ABCC11: variants seen among roughly 807,000 people sequenced by gnomAD.
The protein encoded by ABCC11 is ATP binding cassette subfamily C member 11, also known as ATP-binding cassette sub-family C member 11.
Under a neutral mutation model 149.3 loss-of-function variants are expected in ABCC11, and 135 were observed. That is an observed-to-expected ratio of 0.90 (90% CI 0.79 to 1.04). The LOEUF (loss-of-function observed/expected upper bound fraction) is 1.04. Ranked by LOEUF, ABCC11 falls within the 50% of genes least tolerant of loss-of-function variation. The probability of loss-of-function intolerance (pLI) is 0.00; values close to 1 mark genes in which losing one functional copy is unlikely to be tolerated. For synonymous variants in ABCC11, 665 were observed against 671.4 expected (o/e 0.99, Z 0.15); for missense variants, 1,680 against 1,722.1 (o/e 0.98, Z 0.43).
At chr16:48,217,375 C>T (rs1352333189) in intron 6 of ABCC11, among the ~76,000 whole-genome samples, 2 of 152,076 alleles carry the variant, frequency 1.3e-5, no homozygotes, top group African/African-American at 2.4e-5. Context: ...GTGGGTGGAT[C>T]ACTTGGGCCC....
intron 4 of ABCC11, 85 bp downstream of exon 4, chr16:48,227,721 C>T: frequency 6.3e-7 from 1 of 1,584,074 alleles, no homozygotes; most frequent in Non-Finnish European, 8.7e-7. Context: ...TGGCCCCTCC[C>T]TACCACCCTT....
chr16:48,167,777 G>C, intron 28 of ABCC11, 117 bp from the exon 29 acceptor site: 5 of 1,179,680 alleles, frequency 4.2e-6, no homozygotes, highest in Non-Finnish European at 6.0e-6. Flanking sequence ...CATTTCTTTA[G>C]CTGGGAAATG....
Position 48,197,979 on chromosome 16 carries a change from C to G in ABCC11, c.2306G>C (p.Gly769Ala). 6.2e-7 allele frequency: 1 copy of G among 1,614,080 alleles called. No homozygotes were observed. Among genetic ancestry groups the G allele is most frequent in the Non-Finnish European group, 8.5e-7 (1 of 1,180,008 alleles). The change falls in exon 17 of 30, where the codon GGA becomes GCA. Residue 769 changes from glycine (G) to alanine (A), a missense_variant. Transcript: ENST00000356608. The part of the protein sequence containing the change: ...LATSLEESLN[G>A]NAVPEHQLTQ... ...ATCTCCCACACCATTACCAGCATTT[C>G]CGTTGAGAGACTCTTCCAGGGAGGT...
intron 17 of ABCC11, among the ~76,000 whole-genome samples, chr16:48,197,756 C>G (rs1441501896): frequency 2.0e-5 from 3 of 152,212 alleles, no homozygotes; most frequent in Non-Finnish European, 2.9e-5. Flanking sequence ...GTGCCCCCCA[C>G]AACACTCACT....
intron 20 of ABCC11, among the ~76,000 whole-genome samples, chr16:48,189,546 G>A (rs1427852110): frequency 2.6e-5 from 4 of 152,154 alleles, no homozygotes; most frequent in Non-Finnish European, 5.9e-5. Flanking sequence ...GAAAGGACTG[G>A]AAAAAGGAAA....
chr16:48,216,366 C>T (rs1455440103), intron 6 of ABCC11, 79 bp from the exon 7 acceptor site: 1 of 1,402,184 alleles, frequency 7.1e-7, no homozygotes, highest in Non-Finnish European at 9.9e-7. Context: ...CTCCCCATGC[C>T]CTCTCCTAGC....
chr16:48,178,834 C>T, intron 23 of ABCC11, 148 bp from the exon 24 acceptor site: 1 of 686,966 alleles, frequency 1.5e-6, no homozygotes, highest in African/African-American at 1.8e-5. Context: ...GCAGAGGCCC[C>T]TGGTGCCTCC....
intron 20 of ABCC11, among the ~76,000 whole-genome samples, chr16:48,189,293 G>A (rs1310332168): frequency 2.0e-5 from 3 of 152,192 alleles, no homozygotes; most frequent in African/African-American, 7.2e-5. Context: ...TGTGGGTGAG[G>A]AAGATGCATC....
intron 23 of ABCC11, among the ~76,000 whole-genome samples, chr16:48,179,054 C>A (rs527256872): frequency 6.6e-6 from 1 of 152,302 alleles, no homozygotes; most frequent in South Asian, 2.1e-4. Context: ...TGATGGGGAA[C>A]AAGAGCTAGC....
chr16:48,210,779 T>A lies in ABCC11; in HGVS notation c.1608+169A>T, dbSNP rs1462252646. The A allele has an allele frequency of 4.1e-6, 4 of 983,550 alleles. No individual in the cohort carries two copies. In the East Asian group the frequency reaches 1.1e-4, roughly 26 times the overall value. 60.9% of individuals were successfully genotyped at this position (983,550 alleles called of 1,614,324 possible). A position where few individuals can be genotyped will look rare whatever the true frequency, so the allele number is the denominator to read the frequency against. The stretch of plus-strand genomic sequence containing the variant: ...TGATAGATTAATTCACATTAAAAAA[T>A]GAACGATATCCTGTGTTTGCCCTCC... On this transcript the variant is annotated intron_variant, in intron 11 of 29. Coordinates refer to ENST00000356608, the MANE Select transcript of ABCC11 (RefSeq NM_001370497.1).
intron 26 of ABCC11, among the ~76,000 whole-genome samples, chr16:48,171,810 A>C (rs1344849504): frequency 6.6e-6 from 1 of 152,078 alleles, no homozygotes; most frequent in Non-Finnish European, 1.5e-5. Flanking sequence ...TAAAAATACA[A>C]AAATTAGCCA....
intron 3 of ABCC11, among the ~76,000 whole-genome samples, chr16:48,229,623 C>T (rs1215913284): frequency 6.6e-6 from 1 of 150,532 alleles, no homozygotes; most frequent in Non-Finnish European, 1.5e-5. Context: ...TGCCACCGCA[C>T]CCGGCTAATT....
chr16:48,174,760 G>C (rs2150726436), intron 26 of ABCC11, among the ~76,000 whole-genome samples: 1 of 152,328 alleles, frequency 6.6e-6, no homozygotes, highest in East Asian at 1.9e-4. Context: ...ATGCTTAATG[G>C]TGTAGTGAAA....
At chr16:48,203,108 G>A (rs1968134686) in intron 14 of ABCC11, 120 bp downstream of exon 14, 1 of 1,152,240 alleles carries the variant, frequency 8.7e-7, no homozygotes, top group Non-Finnish European at 1.2e-6. Context: ...GCAGCTGCAG[G>A]AAAAACTCCA....
Position 48,222,690 on chromosome 16 carries a change from G to C in ABCC11, c.685C>G (p.Arg229Gly), listed in dbSNP as rs371616371. Residue 229 changes from arginine to glycine, a missense_variant, in exon 6 of 30, where the codon CGC becomes GGC. Physicochemically the swap from Arg to Gly is moderately radical, Grantham distance 125. Coordinates refer to ENST00000356608, the MANE Select transcript of ABCC11 (RefSeq NM_001370497.1). ...GCTGCTCGGAACCTGATGGCTGTGC[G>C]TTGGTTGATGATCCAACTGGAGGAG... ...SFSSSWIINQRTAIRFRAAVS... is the reference protein window; with the variant it reads ...SFSSSWIINQGTAIRFRAAVS... The C allele has an allele frequency of 2.5e-6, 4 of 1,614,208 alleles. No individual in the cohort carries two copies. The highest frequency in any genetic ancestry group is 3.4e-6 in the Non-Finnish European group (4 of 1,180,038).
chr16:48,244,335 G>T, intron 1 of ABCC11: 1 of 1,331,198 alleles, frequency 7.5e-7, no homozygotes, highest in Non-Finnish European at 1.0e-6. Flanking sequence ...GCAGGCCGGG[G>T]GCAGCTGTCT....
At position 48,211,208 on chromosome 16, in the gene ABCC11, A is replaced by T; in HGVS notation, c.1357-9T>A. The T allele has an allele frequency of 1.9e-6, 3 of 1,612,326 alleles. No individual in the cohort carries two copies. The highest frequency in any genetic ancestry group is 2.5e-6 in the Non-Finnish European group (3 of 1,179,226). On this transcript the variant is annotated splice_polypyrimidine_tract_variant and intron_variant, in intron 10 of 29. Coordinates refer to ENST00000356608, the MANE Select transcript of ABCC11 (RefSeq NM_001370497.1). The stretch of plus-strand genomic sequence containing the variant: ...TCCTGGAGGAAAAACTTCTGTAAAG[A>T]CAGAAAAAAATAGAGGGAGGAGGAA...
intron 26 of ABCC11, among the ~76,000 whole-genome samples, chr16:48,173,605 A>AT (rs537217541): frequency 2.1e-3 from 321 of 152,096 alleles, no homozygotes; most frequent in African/African-American, 7.3e-3. Flanking sequence ...TAACACAACC[A>AT]TTTTTTTGTT....
At chr16:48,196,448 A>C in intron 17 of ABCC11, 127 bp from the exon 18 acceptor site, 1 of 849,432 alleles carries the variant, frequency 1.2e-6, no homozygotes, top group Non-Finnish European at 1.9e-6. Flanking sequence ...CCTATGTCTA[A>C]GGTTTTTCAT....
Sources: allele counts gnomAD v4.1 joint callset (sites outside exome capture counted in the v4.1 genomes callset), GRCh38; gene constraint gnomAD v4.1.1; transcripts MANE v1.5; gene names NCBI Gene and HGNC (gene_info 2026-07-23, HGNC 2026-07-21).